Variants in NBAS observed in about 807,000 individuals in gnomAD.
NBAS encodes the protein NBAS subunit of NRZ tethering complex, also known as NAG/BC035112 fusion.
NBAS carries 219 observed loss-of-function variants against 302.5 expected under a neutral mutation model. The ratio of observed to expected loss-of-function variants is 0.72; its 90% CI spans 0.65 to 0.81. NBAS has a LOEUF of 0.81. NBAS is among the 30% of genes least tolerant of loss of function. The probability of loss-of-function intolerance (pLI) is 0.00; values close to 1 mark genes in which losing one functional copy is unlikely to be tolerated. For missense variants in NBAS, 2,932 were observed against 2,841.6 expected (o/e 1.03, Z -0.72); for synonymous variants, 1,118 against 1,021.6 (o/e 1.09, Z -1.80).
chr2:14,947,071 G>C, the NBAS span, among the ~76,000 whole-genome samples: 1 of 152,006 alleles, frequency 6.6e-6, no homozygotes, highest in Non-Finnish European at 1.5e-5. Flanking sequence ...AAAGTAGAAA[G>C]ATTTCAAATC....
chr2:15,378,692 G>T (rs763356), intron 30 of NBAS, among the ~76,000 whole-genome samples: 94,421 of 151,900 alleles, frequency 0.62, 30,110 homozygotes, highest in Middle Eastern at 0.69. Flanking sequence ...TACTGAAAAC[G>T]GAACTGAAAG....
the NBAS span, among the ~76,000 whole-genome samples, chr2:14,807,439 C>T: frequency 7.6e-6 from 1 of 132,236 alleles, no homozygotes; most frequent in Non-Finnish European, 1.5e-5. Flanking sequence ...TTTTCAAATC[C>T]CGTGTGTGTG....
At chr2:15,139,328 A>AC in the NBAS span, among the ~76,000 whole-genome samples, 1 of 151,826 alleles carries the variant, frequency 6.6e-6, no homozygotes, top group South Asian at 2.1e-4. Context: ...AGCATTTAAG[A>AC]CCCCCCGATT....
chr2:15,100,938 T>C, the NBAS span, among the ~76,000 whole-genome samples: 1 of 152,154 alleles, frequency 6.6e-6, no homozygotes, highest in East Asian at 1.9e-4. Flanking sequence ...TGCTTAAAAA[T>C]GGAAAAATGA....
intron 40 of NBAS, among the ~76,000 whole-genome samples, chr2:15,302,464 G>A (rs751211575): frequency 1.3e-5 from 2 of 152,102 alleles, no homozygotes; most frequent in Non-Finnish European, 2.9e-5. Context: ...GATTAATGCT[G>A]CTTCCTCAAG....
chr2:15,187,599 GAC>G (rs960718811), intron 49 of NBAS, among the ~76,000 whole-genome samples: 7 of 152,122 alleles, frequency 4.6e-5, no homozygotes, highest in African/African-American at 1.7e-4. Flanking sequence ...TGTCTTGACT[GAC>G]ACTACCCTGT....
chr2:15,532,635 CATT>C (rs1663279316), intron 9 of NBAS, among the ~76,000 whole-genome samples: 1 of 151,050 alleles, frequency 6.6e-6, no homozygotes, highest in South Asian at 2.1e-4. Flanking sequence ...AGTAAATAAA[CATT>C]GTGTAAAATT....
At chr2:15,409,436 A>G (rs1676575857) in intron 25 of NBAS, among the ~76,000 whole-genome samples, 1 of 152,096 alleles carries the variant, frequency 6.6e-6, no homozygotes, top group Non-Finnish European at 1.5e-5. Context: ...CTCTATCCTC[A>G]ATGTCTTTTA....
intron 51 of NBAS, among the ~76,000 whole-genome samples, chr2:15,169,700 C>A (rs1664207118): frequency 6.6e-6 from 1 of 152,204 alleles, no homozygotes; most frequent in African/African-American, 2.4e-5. Context: ...GAGCAGAGAT[C>A]TTGTCTCTTC....
chr2:15,548,089 A>T (rs1664201963), intron 6 of NBAS, among the ~76,000 whole-genome samples: 1 of 152,236 alleles, frequency 6.6e-6, no homozygotes, highest in South Asian at 2.1e-4. Context: ...TAATAAATAC[A>T]TGTACACTTT....
chr2:15,491,749 A>AAAAAAG (rs1374810316), intron 11 of NBAS, among the ~76,000 whole-genome samples: 4 of 151,984 alleles, frequency 2.6e-5, no homozygotes, highest in Non-Finnish European at 5.9e-5. Context: ...AAAGAAAAAA[A>AAAAAAG]AAAAAGAAAA....
chr2:14,951,296 C>T, the NBAS span, among the ~76,000 whole-genome samples: 1 of 152,138 alleles, frequency 6.6e-6, no homozygotes, highest in Non-Finnish European at 1.5e-5. Context: ...ACATGCTCGA[C>T]CCCCCTCCCA....
the NBAS span, among the ~76,000 whole-genome samples, chr2:14,852,962 A>T: frequency 6.7e-6 from 1 of 148,680 alleles, no homozygotes; most frequent in Non-Finnish European, 1.5e-5. Context: ...CTAAAACCAT[A>T]AAAACCCTAG....
chr2:15,350,584 C>T (rs1673306766), intron 35 of NBAS, among the ~76,000 whole-genome samples: 1 of 152,168 alleles, frequency 6.6e-6, no homozygotes, highest in Non-Finnish European at 1.5e-5. Flanking sequence ...ACTCTTCCTC[C>T]TTTGTCTCCC....
the NBAS span, among the ~76,000 whole-genome samples, chr2:14,889,265 T>C: frequency 6.6e-6 from 1 of 152,252 alleles, no homozygotes; most frequent in East Asian, 1.9e-4. Context: ...GCCTGTTGCT[T>C]TGCACACTGT....
At chr2:15,047,462 A>G in the NBAS span, among the ~76,000 whole-genome samples, 4 of 151,934 alleles carry the variant, frequency 2.6e-5, no homozygotes, top group East Asian at 7.8e-4. Flanking sequence ...GGCTGGGCCC[A>G]TGCAGGTAAA....
chr2:15,249,293 T>C (rs1295639123), intron 44 of NBAS, among the ~76,000 whole-genome samples: 1 of 152,174 alleles, frequency 6.6e-6, no homozygotes, highest in African/African-American at 2.4e-5. Flanking sequence ...CTCAATAATC[T>C]AGGTATTGAT....
At chr2:14,964,260 A>T in the NBAS span, among the ~76,000 whole-genome samples, 1 of 152,216 alleles carries the variant, frequency 6.6e-6, no homozygotes, top group South Asian at 2.1e-4. Context: ...ACATTAAAAC[A>T]ATTATTATTA....
intron 38 of NBAS, among the ~76,000 whole-genome samples, chr2:15,312,556 C>A (rs889727758): frequency 6.6e-6 from 1 of 152,142 alleles, no homozygotes; most frequent in South Asian, 2.1e-4. Context: ...GTATTACAGG[C>A]ATGAGCTACC....
Sources: gnomAD v4.1 joint callset for allele counts (sites outside exome capture counted in the v4.1 genomes callset) on GRCh38, gnomAD v4.1.1 for gene constraint, MANE v1.5 for transcripts, NCBI Gene and HGNC (gene_info 2026-07-23, HGNC 2026-07-21) for gene names.